Variants in TRPM3 observed in about 807,000 individuals in gnomAD.
TRPM3 encodes the protein long transient receptor potential channel 3.
Under a neutral mutation model 181.2 loss-of-function variants are expected in TRPM3, and 77 were observed. That is an observed-to-expected ratio of 0.42 (90% confidence interval 0.35 to 0.51). The LOEUF (loss-of-function observed/expected upper bound fraction) is 0.51, where lower values mean the gene tolerates loss of function less well. TRPM3 is among the 20% of genes least tolerant of loss of function. TRPM3 has a pLI of 0.01. For synonymous variants in TRPM3, 745 were observed against 796.4 expected, an observed-to-expected ratio of 0.94 and a Z score of 1.09; for missense variants, 1,759 against 2,196.7, an observed-to-expected ratio of 0.80 and a Z score of 3.98.
chr9:70,879,192 G>C (rs1276735399), intron 1 of TRPM3, among the ~76,000 whole-genome samples: 2 of 152,110 alleles, frequency 1.3e-5, no homozygotes, highest in Admixed American at 1.3e-4. Flanking sequence ...CAGTGACACA[G>C]AGAAGTAAAT....
intron 1 of TRPM3, among the ~76,000 whole-genome samples, chr9:71,134,747 G>T (rs2074660943): frequency 6.6e-6 from 1 of 152,120 alleles, no homozygotes; most frequent in Non-Finnish European, 1.5e-5. Flanking sequence ...TTATTGGTCT[G>T]TTACTGAAGA....
chr9:70,608,484 C>T (rs2061539085), intron 19 of TRPM3, among the ~76,000 whole-genome samples: 1 of 152,088 alleles, frequency 6.6e-6, no homozygotes, highest in African/African-American at 2.4e-5. Context: ...TCTAAGCTAA[C>T]AGTTGGGGAA....
chr9:71,055,121 G>A (rs1183565956), intron 1 of TRPM3, among the ~76,000 whole-genome samples: 5 of 152,034 alleles, frequency 3.3e-5, no homozygotes, highest in South Asian at 2.1e-4. Flanking sequence ...GTTGTATTTC[G>A]ACCATTTGGG....
intron 1 of TRPM3, among the ~76,000 whole-genome samples, chr9:71,045,751 G>A (rs2059360806): frequency 6.6e-6 from 1 of 152,166 alleles, no homozygotes; most frequent in Non-Finnish European, 1.5e-5. Flanking sequence ...CAGGCTAAGA[G>A]ACTCAGAAGA....
intron 1 of TRPM3, among the ~76,000 whole-genome samples, chr9:71,096,590 A>ACACACTCTCTCTCTCTCTCTCT (rs1452142664): frequency 1.8e-4 from 16 of 90,036 alleles, no homozygotes; most frequent in African/African-American, 8.2e-4. Context: ...ACACACACAC[A>ACACACTCTCTCTCTCTCTCTCT]CTCTCTCTCT....
At chr9:71,299,567 G>A (rs1051374489) in intron 1 of TRPM3, among the ~76,000 whole-genome samples, 3 of 151,956 alleles carry the variant, frequency 2.0e-5, no homozygotes, top group Non-Finnish European at 2.9e-5. Flanking sequence ...GGGAGGGAAG[G>A]AAGGAGGGAA....
At chr9:70,616,152 G>T in intron 17 of TRPM3, 77 bp from the exon 18 acceptor site, 2 of 1,180,402 alleles carry the variant, frequency 1.7e-6, no homozygotes, top group Non-Finnish European at 2.3e-6. Flanking sequence ...GAATCAGAGA[G>T]CCTGAGGTAT....
intron 1 of TRPM3, among the ~76,000 whole-genome samples, chr9:71,010,401 A>C (rs2097723361): frequency 6.6e-6 from 1 of 152,034 alleles, no homozygotes; most frequent in Non-Finnish European, 1.5e-5. Context: ...AACAAACAAA[A>C]AAACAAAACA....
intron 1 of TRPM3, among the ~76,000 whole-genome samples, chr9:71,072,316 CATT>C (rs780674104): frequency 6.6e-6 from 1 of 152,150 alleles, no homozygotes; most frequent in East Asian, 1.9e-4. Context: ...TTAAACCTAT[CATT>C]ATTTCTACAA....
intron 1 of TRPM3, among the ~76,000 whole-genome samples, chr9:71,153,846 C>T (rs1270324939): frequency 6.6e-6 from 1 of 152,142 alleles, no homozygotes. Flanking sequence ...TGGGACCCAA[C>T]AAGTACAGTG....
At chr9:70,770,733 A>G (rs1297667142) in intron 7 of TRPM3, among the ~76,000 whole-genome samples, 6 of 152,100 alleles carry the variant, frequency 3.9e-5, no homozygotes, top group African/African-American at 1.4e-4. Flanking sequence ...TGTATTTGGG[A>G]AAAAAAGAGA....
In TRPM3 at chr9:70,761,379, A is replaced by G. The variant is rs549038560; in HGVS notation, c.1272+222T>C. ...GCGTTTGGATGAGCTCCAAAAGGAAATGATGCTAAAACTCTGCTGCACACA... is the reference window on the plus strand; with the variant it reads ...GCGTTTGGATGAGCTCCAAAAGGAAGTGATGCTAAAACTCTGCTGCACACA... On this transcript the variant is annotated intron_variant, in intron 8 of 25. Transcript: ENST00000677713. 3 of 671,608 alleles carry G rather than the reference A, an allele frequency of 4.5e-6. No individual in the cohort carries two copies. The East Asian group carries it at 8.1e-5, about 18-fold the overall frequency. 41.6% of individuals were successfully genotyped at this position (671,608 alleles called of 1,614,324 possible).
chr9:71,134,595 T>G (rs984225998), intron 1 of TRPM3, among the ~76,000 whole-genome samples: 1 of 151,086 alleles, frequency 6.6e-6, no homozygotes, highest in Non-Finnish European at 1.5e-5. Context: ...TCACAAACAT[T>G]ATCTCCATAA....
chr9:71,282,077 AAAGGAAAGAAAGAGAGAAAGAAAG>A, intron 1 of TRPM3, among the ~76,000 whole-genome samples: 1 of 43,588 alleles, frequency 2.3e-5, no homozygotes, highest in Admixed American at 1.9e-4. Flanking sequence ...GAAAGGAAAG[AAAGGAAAGAAAGAGAGAAAGAAAG>A]AAAAGAAAGA....
intron 1 of TRPM3, among the ~76,000 whole-genome samples, chr9:71,313,934 A>AT (rs1457651327): frequency 2.6e-5 from 4 of 152,184 alleles, no homozygotes; most frequent in Admixed American, 1.3e-4. Flanking sequence ...TTTGTTTAGA[A>AT]TTTTTTTGCA....
intron 1 of TRPM3, among the ~76,000 whole-genome samples, chr9:71,385,162 T>C (rs1477742697): frequency 5.3e-5 from 8 of 152,308 alleles, no homozygotes; most frequent in African/African-American, 1.4e-4. Context: ...AGTTTGTTCT[T>C]GAAGTTTTGA....
At chr9:71,166,035 T>C (rs2076524813) in intron 1 of TRPM3, among the ~76,000 whole-genome samples, 1 of 152,156 alleles carries the variant, frequency 6.6e-6, no homozygotes, top group African/African-American at 2.4e-5. Flanking sequence ...CAGGTTCCCA[T>C]AGCATGTCAG....
Position 71,163,857 on chromosome 9 carries a change from A to C in TRPM3, c.183+282796T>G, listed in dbSNP as rs191343119. Among the ~76,000 whole-genome samples, 11 of 152,318 alleles carry C rather than the reference A, an allele frequency of 7.2e-5. No homozygotes were observed. The South Asian group carries it at 2.1e-3, about 29-fold the overall frequency. The stretch of plus-strand genomic sequence containing the variant: ...GAAACCAAAGAAAGAGATTTTTAGT[A>C]GCAGAGAATGGTCAATAAAGAAAAA... On this transcript the variant is annotated intron_variant, in intron 1 of 24. Transcript: ENST00000357533.
intron 12 of TRPM3, among the ~76,000 whole-genome samples, chr9:70,631,646 A>G (rs2065882560): frequency 6.6e-6 from 1 of 152,224 alleles, no homozygotes; most frequent in Non-Finnish European, 1.5e-5. Flanking sequence ...TTAATATGAG[A>G]GCATTGGTAC....
Sources: gnomAD v4.1 joint callset for allele counts (sites outside exome capture counted in the v4.1 genomes callset) on GRCh38, gnomAD v4.1.1 for gene constraint, MANE v1.5 for transcripts, NCBI Gene and HGNC (gene_info 2026-07-23, HGNC 2026-07-21) for gene names.